Variants in UBAP2 observed in about 807,000 individuals in gnomAD.
UBAP2 encodes the protein ubiquitin-associated protein 2.
UBAP2 carries 75 observed loss-of-function variants against 139.6 expected under a neutral mutation model. The ratio of observed to expected loss-of-function variants is 0.54; its 90% CI spans 0.45 to 0.65. The LOEUF is 0.65. Among genes scored for constraint, UBAP2 ranks in the 30% least tolerant of loss-of-function variants. UBAP2 has a pLI of 0.00. For missense variants in UBAP2, 1,368 were observed against 1,369.6 expected (o/e 1.00, Z 0.02); for synonymous variants, 526 against 526.2 (o/e 1.00, Z 0.01).
chr9:33,928,002 GA>G lies in UBAP2; in HGVS notation c.2176-11del. 6.2e-7 allele frequency: 1 copy of G among 1,605,760 alleles called. No individual in the cohort carries two copies. Among genetic ancestry groups the G allele is most frequent in the East Asian group, 2.2e-5 (1 of 44,876 alleles). Reference sequence around the variant, plus strand: ...TCTCCACACTGGCATGCTGGCAAAAGAAAAGCCAGGACACATGGATCTGGAG... The same window carrying G: ...TCTCCACACTGGCATGCTGGCAAAAGAAAGCCAGGACACATGGATCTGGAG... On this transcript the variant is annotated splice_polypyrimidine_tract_variant and intron_variant, in intron 19 of 28. Transcript: ENST00000379238.
At chr9:33,938,285 C>T (rs1370943590) in intron 16 of UBAP2, among the ~76,000 whole-genome samples, 1 of 151,946 alleles carries the variant, frequency 6.6e-6, no homozygotes, top group Admixed American at 6.6e-5. Flanking sequence ...CGCACCACCA[C>T]GCCCAGCCAC....
intron 1 of UBAP2, among the ~76,000 whole-genome samples, chr9:34,029,621 G>A (rs3016757): frequency 0.81 from 122,771 of 151,806 alleles, 49,749 homozygotes; most frequent in Middle Eastern, 0.87. Context: ...GGACCACTTG[G>A]GCTCAGGAGT....
chr9:33,993,616 T>C (rs1043849150), intron 4 of UBAP2, among the ~76,000 whole-genome samples: 2 of 152,178 alleles, frequency 1.3e-5, no homozygotes, highest in Non-Finnish European at 2.9e-5. Flanking sequence ...TAGTAAACCG[T>C]GATGGCACCA....
chr9:33,987,893 GGAT>G (rs915058681), intron 5 of UBAP2, among the ~76,000 whole-genome samples: 46 of 152,210 alleles, frequency 3.0e-4, no homozygotes, highest in African/African-American at 1.0e-3. Flanking sequence ...GGTTTTTCTA[GGAT>G]ACTAACAGGA....
At chr9:33,959,037 T>C (rs1564030930) in intron 10 of UBAP2, among the ~76,000 whole-genome samples, 1 of 151,952 alleles carries the variant, frequency 6.6e-6, no homozygotes, top group Non-Finnish European at 1.5e-5. Flanking sequence ...TAATTCCAGC[T>C]ACTCAGGTGG....
intron 10 of UBAP2, among the ~76,000 whole-genome samples, chr9:33,957,448 G>A (rs1587561735): frequency 6.6e-6 from 1 of 152,256 alleles, no homozygotes; most frequent in East Asian, 1.9e-4. Flanking sequence ...CCACTCACAT[G>A]CTTTCTGACA....
In UBAP2 at chr9:33,929,435, G is replaced by C. The variant is rs190466959; in HGVS notation, c.2176-1443C>G. 2.2e-3 allele frequency among the ~76,000 whole-genome samples: 333 copies of C among 152,228 alleles called. 1 individual carries two copies. Among genetic ancestry groups the C allele is most frequent in the Non-Finnish European group, 3.0e-3 (201 of 68,024 alleles). ...AGTCAACACTAATTTTCAAGGCTTC[G>C]CTCAGTCCATCCAATGGGCCCTATG... On this transcript the variant is annotated intron_variant, in intron 19 of 28. Transcript: ENST00000379238.
At chr9:33,999,238 G>A (rs1299749742) in intron 2 of UBAP2, among the ~76,000 whole-genome samples, 2 of 151,680 alleles carry the variant, frequency 1.3e-5, no homozygotes, top group African/African-American at 2.4e-5. Context: ...GGGAAGCCAA[G>A]GTAGAAGCAC....
intron 24 of UBAP2, 80 bp downstream of exon 24, chr9:33,923,715 T>A: frequency 6.9e-7 from 1 of 1,449,922 alleles, no homozygotes. Context: ...CCTCCCTCCC[T>A]GCTGGAAGAT....
chr9:33,930,095 T>G (rs963489246), intron 19 of UBAP2, among the ~76,000 whole-genome samples: 1 of 152,132 alleles, frequency 6.6e-6, no homozygotes, highest in African/African-American at 2.4e-5. Context: ...AAAAAAAGGA[T>G]GTACAACCTC....
chr9:33,931,960 ATCC>A (rs368053740), intron 19 of UBAP2, among the ~76,000 whole-genome samples: 87 of 151,754 alleles, frequency 5.7e-4, no homozygotes, highest in African/African-American at 2.0e-3. Context: ...GCCCTCTACA[ATCC>A]TCCTCCCTCC....
chr9:33,970,834 G>A (rs535277582), intron 8 of UBAP2, among the ~76,000 whole-genome samples: 3 of 152,090 alleles, frequency 2.0e-5, no homozygotes, highest in East Asian at 1.9e-4. Context: ...ATGAAGTCTC[G>A]CTCTGTTGCC....
chr9:33,964,485 C>A (rs1827301457), intron 8 of UBAP2, among the ~76,000 whole-genome samples: 1 of 152,054 alleles, frequency 6.6e-6, no homozygotes, highest in Non-Finnish European at 1.5e-5. Flanking sequence ...AACACTTGCA[C>A]AACATTCGGC....
intron 17 of UBAP2, among the ~76,000 whole-genome samples, chr9:33,934,914 A>C (rs2130894417): frequency 6.6e-6 from 1 of 152,284 alleles, no homozygotes; most frequent in East Asian, 1.9e-4. Context: ...ATGTCAAACC[A>C]AAATCCTGGG....
intron 15 of UBAP2, 89 bp from the exon 16 acceptor site, chr9:33,941,951 A>C: frequency 1.2e-6 from 1 of 859,650 alleles, no homozygotes; most frequent in Non-Finnish European, 1.8e-6. Context: ...CACGAGATGC[A>C]ACTACTGCAT....
chr9:33,923,353 G>C, intron 25 of UBAP2, 26 bp downstream of exon 25: 1 of 1,613,954 alleles, frequency 6.2e-7, no homozygotes, highest in Non-Finnish European at 8.5e-7. Context: ...AACCCCATGT[G>C]TCTCTGTCTG....
chr9:33,957,717 A>G (rs1301308737), intron 10 of UBAP2, among the ~76,000 whole-genome samples: 1 of 152,178 alleles, frequency 6.6e-6, no homozygotes, highest in African/African-American at 2.4e-5. Flanking sequence ...TAACACGGAA[A>G]ACATAAAAAT....
chr9:33,982,479 C>T (rs183043008), intron 6 of UBAP2, among the ~76,000 whole-genome samples: 7 of 152,184 alleles, frequency 4.6e-5, no homozygotes, highest in Non-Finnish European at 8.8e-5. Context: ...ATAAAGCGAA[C>T]GTAATAGATT....
At chr9:33,928,144 G>C (rs897874756) in intron 19 of UBAP2, 152 bp from the exon 20 acceptor site, 4 of 724,764 alleles carry the variant, frequency 5.5e-6, no homozygotes, top group Non-Finnish European at 8.9e-6. Flanking sequence ...GAGGCTCTGT[G>C]CTCAGTGCTC....
Sources: gnomAD v4.1 joint callset for allele counts (sites outside exome capture counted in the v4.1 genomes callset) on GRCh38, gnomAD v4.1.1 for gene constraint, MANE v1.5 for transcripts, NCBI Gene and HGNC (gene_info 2026-07-23, HGNC 2026-07-21) for gene names.